The following KCNK9 variants were observed in gnomAD, a reference collection of about 807,000 sequenced individuals.
The protein encoded by KCNK9 is potassium two pore domain channel subfamily K member 9.
KCNK9 carries 1 observed loss-of-function variant against 10.8 expected under a neutral mutation model. That is an observed-to-expected ratio of 0.09 (90% CI 0.03 to 0.44). The LOEUF (loss-of-function observed/expected upper bound fraction) is 0.44, where lower values mean the gene tolerates loss of function less well. KCNK9 is among the 20% of genes least tolerant of loss of function. The pLI is 0.97. For synonymous variants in KCNK9, 231 were observed against 222.7 expected (o/e 1.04, Z -0.33); for missense variants, 303 against 515.0 (o/e 0.59, Z 3.98).
intron 1 of KCNK9, among the ~76,000 whole-genome samples, chr8:139,660,664 A>T (rs1163948255): frequency 2.0e-5 from 3 of 152,106 alleles, no homozygotes; most frequent in South Asian, 4.2e-4. Flanking sequence ...TAAAACTGAC[A>T]TAGATGTGTT....
At chr8:139,699,161 T>G (rs1169926366) in intron 1 of KCNK9, among the ~76,000 whole-genome samples, 1 of 152,256 alleles carries the variant, frequency 6.6e-6, no homozygotes, top group Non-Finnish European at 1.5e-5. Context: ...TTTCTTCTTT[T>G]TTAATGATCC....
At chr8:139,644,723 C>CCG (rs1554622167) in intron 1 of KCNK9, among the ~76,000 whole-genome samples, 21 of 150,262 alleles carry the variant, frequency 1.4e-4, no homozygotes, top group African/African-American at 4.4e-4. Flanking sequence ...TGTCCCCCCC[C>CCG]CCCAGAGCCT....
chr8:139,600,955 G>A (rs969827204), downstream of KCNK9: 4 of 152,140 alleles, frequency 2.6e-5, no homozygotes, highest in South Asian at 2.1e-4. Flanking sequence ...CTGTTTACAC[G>A]AGAAGCCTGA....
At chr8:139,686,317 C>T (rs567638646) in intron 1 of KCNK9, among the ~76,000 whole-genome samples, 47 of 152,166 alleles carry the variant, frequency 3.1e-4, no homozygotes, top group Admixed American at 7.2e-4. Context: ...ATCATCAGAT[C>T]GAACAGGCAA....
intron 1 of KCNK9, among the ~76,000 whole-genome samples, chr8:139,661,060 G>T (rs967481533): frequency 1.3e-5 from 2 of 152,212 alleles, no homozygotes; most frequent in African/African-American, 2.4e-5. Context: ...ACAAAGCCAG[G>T]CCTCAAACCC....
chr8:139,702,948 G>A lies in KCNK9; in HGVS notation c.45C>T (p.Thr15=). ...CGGCGCCCACCAGCAGGTAGGTGAA[G>A]GTGCAGACGATGAGGGACAGAGTCC... ...NVRTLSLIVC[T]FTYLLVGAAV... is the part of the protein sequence containing the mutation. Residue 15 remains threonine (T), a synonymous_variant, in exon 1 of 2, where the codon ACC becomes ACT. Coordinates refer to ENST00000520439, the MANE Select transcript of KCNK9 (RefSeq NM_001282534.2). This position sits in a 1 kb window ranked among gnomAD's most constrained non-coding sequence, Gnocchi z 7.5. The A allele has an allele frequency of 6.2e-7, 1 of 1,610,700 alleles. No individual in the cohort carries two copies. Among genetic ancestry groups the A allele is most frequent in the Non-Finnish European group, 8.5e-7 (1 of 1,178,700 alleles).
At chr8:139,628,816 A>G (rs1049341255) in intron 1 of KCNK9, among the ~76,000 whole-genome samples, 1 of 152,186 alleles carries the variant, frequency 6.6e-6, no homozygotes. Flanking sequence ...AACATTCACG[A>G]AGGCCTTTCT....
intron 1 of KCNK9, among the ~76,000 whole-genome samples, chr8:139,687,613 T>TATAGACAC (rs1816842115): frequency 2.5e-5 from 2 of 79,446 alleles, no homozygotes; most frequent in Non-Finnish European, 5.6e-5. Context: ...TACATATGTA[T>TATAGACAC]ACATATATAT....
intron 1 of KCNK9, among the ~76,000 whole-genome samples, chr8:139,641,849 G>A (rs1006674316): frequency 6.6e-6 from 1 of 152,166 alleles, no homozygotes; most frequent in Non-Finnish European, 1.5e-5. Context: ...GGCCACACTG[G>A]TGTCCAGCAG....
intron 1 of KCNK9, among the ~76,000 whole-genome samples, chr8:139,690,696 T>C (rs1029024334): frequency 3.3e-5 from 5 of 152,132 alleles, no homozygotes; most frequent in Admixed American, 6.5e-5. Flanking sequence ...GACTGCACCC[T>C]GGACAGGCTG....
At chr8:139,696,213 A>T (rs1025451351) in intron 1 of KCNK9, among the ~76,000 whole-genome samples, 1 of 151,946 alleles carries the variant, frequency 6.6e-6, no homozygotes, top group South Asian at 2.1e-4. Context: ...TGAGCTCTTT[A>T]CCACTGGAGG....
At chr8:139,616,172 T>C (rs1814583851), downstream of KCNK9, 1 of 152,136 alleles carries the variant, frequency 6.6e-6, no homozygotes, top group Non-Finnish European at 1.5e-5. Flanking sequence ...AAGGTTTTCA[T>C]GAGAACCCCA....
intron 1 of KCNK9, among the ~76,000 whole-genome samples, chr8:139,687,301 G>C (rs1177551341): frequency 6.8e-6 from 1 of 147,956 alleles, no homozygotes; most frequent in East Asian, 2.0e-4. Context: ...GCTACATTTT[G>C]TTTGGTTTTT....
chr8:139,610,527 A>T (rs1481795216), downstream of KCNK9, among the ~76,000 whole-genome samples: 1 of 152,232 alleles, frequency 6.6e-6, no homozygotes, highest in East Asian at 1.9e-4. Context: ...GTGAAAGACC[A>T]AGATCTTATC....
At chr8:139,626,139 G>C (rs1372077605) in intron 1 of KCNK9, among the ~76,000 whole-genome samples, 2 of 152,158 alleles carry the variant, frequency 1.3e-5, no homozygotes, top group African/African-American at 2.4e-5. Flanking sequence ...AGGGCAGCCT[G>C]GGCCAGGTGG....
chr8:139,662,080 C>A (rs1448370972), intron 1 of KCNK9, among the ~76,000 whole-genome samples: 1 of 152,222 alleles, frequency 6.6e-6, no homozygotes, highest in Non-Finnish European at 1.5e-5. Context: ...TTCCCCAGCG[C>A]CTGCCTAGCC....
rs75698657 is a variant in KCNK9, at chr8:139,646,481, C to T, written c.284-27382G>A. On this transcript the variant is annotated intron_variant, in intron 1 of 1. Coordinates refer to ENST00000520439, the MANE Select transcript of KCNK9 (RefSeq NM_001282534.2). ...TGGAAGGAGGCCTCCAGGGGCAAGCCCCAGGGCTCTATCTTGGACTTGACC... is the reference window on the plus strand; with the variant it reads ...TGGAAGGAGGCCTCCAGGGGCAAGCTCCAGGGCTCTATCTTGGACTTGACC... Among the ~76,000 whole-genome samples the T allele has an allele frequency of 7.0e-3, 1,070 of 152,354 alleles. 8 individuals are homozygous for T. The highest frequency in any genetic ancestry group is 0.025 in the African/African-American group (1,020 of 41,578).
chr8:139,641,321 C>G (rs1815499115), intron 1 of KCNK9, among the ~76,000 whole-genome samples: 1 of 152,174 alleles, frequency 6.6e-6, no homozygotes, highest in African/African-American at 2.4e-5. Flanking sequence ...TCCCATCCTG[C>G]CCTCCTAAAA....
At chr8:139,682,087 C>T (rs969093320) in intron 1 of KCNK9, among the ~76,000 whole-genome samples, 6 of 152,200 alleles carry the variant, frequency 3.9e-5, no homozygotes, top group African/African-American at 1.2e-4. Context: ...GGGAGAAGCC[C>T]GGCTCCGAAA....
Sources: allele counts gnomAD v4.1 joint callset (sites outside exome capture counted in the v4.1 genomes callset), GRCh38; gene constraint gnomAD v4.1.1; non-coding constraint Gnocchi (gnomAD v3.1); transcripts MANE v1.5; gene names NCBI Gene and HGNC (gene_info 2026-07-23, HGNC 2026-07-21).